Variants in DCBLD2 observed in about 807,000 individuals in gnomAD.
DCBLD2 encodes the protein discoidin, CUB and LCCL domain containing 2, also known as discoidin, CUB and LCCL domain-containing protein 2.
DCBLD2 carries 54 observed loss-of-function variants against 86.8 expected under a neutral mutation model. The observed-to-expected ratio is 0.62, with a 90% CI of 0.50 to 0.78. The LOEUF is 0.78. Among genes scored for constraint, DCBLD2 ranks in the 30% least tolerant of loss-of-function variants. The probability of loss-of-function intolerance (pLI) is 0.00; values close to 1 mark genes in which losing one functional copy is unlikely to be tolerated. For synonymous variants in DCBLD2, 354 were observed against 341.3 expected (o/e 1.04, Z -0.41); for missense variants, 908 against 954.2 (o/e 0.95, Z 0.64).
Position 98,875,309 on chromosome 3 carries a change from C to T in DCBLD2, c.433+6231G>A, listed in dbSNP as rs184374242. On this transcript the variant is annotated intron_variant, in intron 2 of 15. Transcript: ENST00000326840. The stretch of plus-strand genomic sequence containing the variant: ...CAGCAAAACAAAAACACCTCCATCT[C>T]CATTGCAACAAAGCAGATAAGATGT... 5.7e-3 allele frequency among the ~76,000 whole-genome samples: 863 copies of T among 152,176 alleles called. 6 individuals carry two copies. The Middle Eastern group carries it at 0.061, about 11-fold the overall frequency.
At chr3:98,871,464 T>C (rs752357645) in intron 2 of DCBLD2, among the ~76,000 whole-genome samples, 10 of 152,186 alleles carry the variant, frequency 6.6e-5, no homozygotes, top group Non-Finnish European at 1.3e-4. Flanking sequence ...TTTCTGTGCC[T>C]AGTTTGTTGA....
intron 2 of DCBLD2, among the ~76,000 whole-genome samples, chr3:98,878,308 G>A (rs898524269): frequency 2.6e-5 from 4 of 152,082 alleles, no homozygotes; most frequent in Non-Finnish European, 4.4e-5. Flanking sequence ...TGAGAACAGC[G>A]CATCTGTGGT....
chr3:98,829,927 T>C (rs564313987), intron 3 of DCBLD2, among the ~76,000 whole-genome samples: 149 of 152,320 alleles, frequency 9.8e-4, no homozygotes, highest in African/African-American at 3.4e-3. Flanking sequence ...TTTTTAATAA[T>C]AGCCATTCTG....
rs139719973 is a variant in DCBLD2, at chr3:98,876,718, A to G, written c.433+4822T>C. ...ATCTACACCAAAGACACCTCTAAGA[A>G]TACAAAAATAGTTTGTAACTGTAAA... On this transcript the variant is annotated intron_variant, in intron 2 of 15. Transcript: ENST00000326840. Among the ~76,000 whole-genome samples the G allele has an allele frequency of 2.1e-3, 325 of 152,310 alleles. 5 individuals are homozygous for G. Among genetic ancestry groups the G allele is most frequent in the Middle Eastern group, 0.014 (4 of 294 alleles).
chr3:98,811,294 T>C lies in DCBLD2; in HGVS notation c.1476A>G (p.Pro492=), dbSNP rs1027995941. ...AKGRAPKFTQ[P]LQPRSSNEFP... ...ATTCATTGCTACTGCGAGGTTGTAG[T>C]GGTTGCGTAAATTTTGGGGCACGAC... Residue 492 remains proline (P), a synonymous_variant, in exon 12 of 16, where the codon CCA becomes CCG. Coordinates refer to ENST00000326840, the MANE Select transcript of DCBLD2 (RefSeq NM_080927.4). The C allele has an allele frequency of 6.2e-7, 1 of 1,612,846 alleles. No homozygotes were observed. Among genetic ancestry groups the C allele is most frequent in the East Asian group, 2.2e-5 (1 of 44,874 alleles).
chr3:98,891,234 A>G (rs1943656648), intron 1 of DCBLD2, among the ~76,000 whole-genome samples: 1 of 150,076 alleles, frequency 6.7e-6, no homozygotes, highest in Admixed American at 6.7e-5. Context: ...GAGAGAGAGA[A>G]AGAAAGAAAA....
chr3:98,868,412 T>C (rs987597398), intron 2 of DCBLD2, among the ~76,000 whole-genome samples: 2 of 152,238 alleles, frequency 1.3e-5, no homozygotes, highest in Admixed American at 1.3e-4. Flanking sequence ...AGTGCTATGA[T>C]TTGGACATGG....
intron 3 of DCBLD2, among the ~76,000 whole-genome samples, chr3:98,844,564 T>C (rs1048624637): frequency 5.3e-5 from 8 of 152,132 alleles, no homozygotes; most frequent in Non-Finnish European, 1.2e-4. Flanking sequence ...GTTTTCATCA[T>C]GTTGGCCAGG....
At chr3:98,865,165 T>C (rs1943120466) in intron 2 of DCBLD2, among the ~76,000 whole-genome samples, 1 of 152,160 alleles carries the variant, frequency 6.6e-6, no homozygotes, top group Admixed American at 6.6e-5. Flanking sequence ...TACACTCCCA[T>C]GTTCACTGCT....
chr3:98,864,023 C>T (rs1026624010), intron 2 of DCBLD2, among the ~76,000 whole-genome samples: 2 of 152,008 alleles, frequency 1.3e-5, no homozygotes, highest in East Asian at 3.9e-4. Flanking sequence ...AAAAAACAAC[C>T]CCATCAACAA....
chr3:98,828,698 C>G (rs993739538), intron 3 of DCBLD2, among the ~76,000 whole-genome samples: 6 of 152,174 alleles, frequency 3.9e-5, no homozygotes, highest in Non-Finnish European at 8.8e-5. Context: ...AAATCTCACT[C>G]CTAGGTATAT....
intron 2 of DCBLD2, among the ~76,000 whole-genome samples, chr3:98,850,404 G>T (rs1172194617): frequency 6.6e-6 from 1 of 152,128 alleles, no homozygotes; most frequent in Non-Finnish European, 1.5e-5. Flanking sequence ...CTGTTGGGCC[G>T]CATTCAAAGC....
At chr3:98,843,186 C>T (rs1272254752) in intron 3 of DCBLD2, among the ~76,000 whole-genome samples, 3 of 152,030 alleles carry the variant, frequency 2.0e-5, no homozygotes, top group Admixed American at 6.6e-5. Flanking sequence ...TATTCTTCTG[C>T]GTGTTAATTA....
chr3:98,860,518 C>T (rs533534316), intron 2 of DCBLD2, among the ~76,000 whole-genome samples: 9 of 152,180 alleles, frequency 5.9e-5, no homozygotes, highest in African/African-American at 2.2e-4. Flanking sequence ...AGACTAACAG[C>T]AGATCTTTCA....
In DCBLD2 at chr3:98,901,392, G is replaced by T; in HGVS notation, c.-66C>A. 2 of 1,259,002 alleles carry T rather than the reference G, an allele frequency of 1.6e-6. No homozygotes were observed. Among genetic ancestry groups the T allele is most frequent in the South Asian group, 3.2e-5 (1 of 31,402 alleles). The allele number at this position is 1,259,002 out of a possible 1,614,324, so 78.0% of individuals were successfully genotyped here. On this transcript the variant is annotated 5_prime_UTR_variant, in exon 1 of 16. Transcript: ENST00000326840. ...GGCAGCCCCGCGCGCCTCTGGCCGC[G>T]GCACCCGACCAGGAGACGGCGGCAG...
Position 98,812,415 on chromosome 3 carries a change from C to T in DCBLD2, c.1280G>A (p.Arg427His), listed in dbSNP as rs372236077. ...RNNFLPPIIARFIRVNPTQWQ... is the reference protein window; with the variant it reads ...RNNFLPPIIAHFIRVNPTQWQ... ...TTGGGTAGGATTCACTCTAATAAAA[C>T]GTGCAATAATTGGTGGCAAAAAGTT... Residue 427 changes from arginine to histidine, a missense_variant, in exon 10 of 16, where the codon CGT becomes CAT. By Grantham distance (29) the Arg-to-His change is conservative. Transcript: ENST00000326840. 8.7e-6 allele frequency: 14 copies of T among 1,613,306 alleles called. No individual in the cohort carries two copies. The highest frequency in any genetic ancestry group is 4.0e-5 in the African/African-American group (3 of 74,860).
intron 3 of DCBLD2, among the ~76,000 whole-genome samples, chr3:98,842,554 A>T (rs1261366128): frequency 1.3e-5 from 2 of 152,222 alleles, no homozygotes; most frequent in African/African-American, 4.8e-5. Flanking sequence ...TTACATACTG[A>T]GAGTGGACAC....
chr3:98,848,869 T>C (rs1445059800), intron 3 of DCBLD2, among the ~76,000 whole-genome samples: 1 of 152,164 alleles, frequency 6.6e-6, no homozygotes, highest in Non-Finnish European at 1.5e-5. Context: ...AATTTATAAA[T>C]TTTAAAAATG....
At chr3:98,841,324 AGCTAT>A (rs2107474754) in intron 3 of DCBLD2, among the ~76,000 whole-genome samples, 1 of 152,372 alleles carries the variant, frequency 6.6e-6, no homozygotes, top group Non-Finnish European at 1.5e-5. Flanking sequence ...AAACTTAGTT[AGCTAT>A]ATTATCTGCC....
Sources: allele counts gnomAD v4.1 joint callset (sites outside exome capture counted in the v4.1 genomes callset), GRCh38; gene constraint gnomAD v4.1.1; transcripts MANE v1.5; gene names NCBI Gene and HGNC (gene_info 2026-07-23, HGNC 2026-07-21).